The following ERCC2 variants were observed in gnomAD, a reference collection of about 807,000 sequenced individuals.
The protein encoded by ERCC2 is general transcription and DNA repair factor IIH helicase subunit XPD.
Under a neutral mutation model 99.4 loss-of-function variants are expected in ERCC2, and 90 were observed. The ratio of observed to expected loss-of-function variants is 0.91; its 90% CI spans 0.76 to 1.08. The LOEUF is 1.08. Among genes scored for constraint, ERCC2 ranks in the 50% least tolerant of loss-of-function variants. The probability of loss-of-function intolerance (pLI) is 0.00; values close to 1 mark genes in which losing one functional copy is unlikely to be tolerated. For missense variants in ERCC2, 993 were observed against 1,038.1 expected, an observed-to-expected ratio of 0.96 and a Z score of 0.60; for synonymous variants, 497 against 432.4, an observed-to-expected ratio of 1.15 and a Z score of -1.85.
Position 45,370,124 on chromosome 19 carries a change from G to C in ERCC2, c.105+9C>G, listed in dbSNP as rs201280342. ...TCGAGTGGGCGGGTCGGGCCCACCG[G>C]CCACCCACCTTGGCGTCCAGCGTGC... On this transcript the variant is annotated intron_variant, in intron 2 of 22. Transcript: ENST00000391945. 1 of 1,612,418 alleles carries C rather than the reference G, an allele frequency of 6.2e-7. No individual in the cohort carries two copies. The highest frequency in any genetic ancestry group is 2.2e-5 in the East Asian group (1 of 44,820).
At chr19:45,361,299 C>T (rs1276803349) in intron 12 of ERCC2, among the ~76,000 whole-genome samples, 1 of 152,114 alleles carries the variant, frequency 6.6e-6, no homozygotes, top group East Asian at 1.9e-4. Context: ...CCCATGCCAT[C>T]CTTCTCCACT....
chr19:45,353,222 C>T lies in ERCC2; in HGVS notation c.1758+20G>A, dbSNP rs201969516. The T allele has an allele frequency of 2.2e-5, 35 of 1,612,862 alleles. No individual in the cohort carries two copies. The highest frequency in any genetic ancestry group is 6.7e-5 in the African/African-American group (5 of 74,968). On this transcript the variant is annotated intron_variant, in intron 18 of 22. Transcript: ENST00000391945. ...GAGCCACCTCCCCGACCCCTCTCCA[C>T]GCTGGCCTCGCACACCCACCTCCTG...
At chr19:45,370,000 A>G in intron 2 of ERCC2, 133 bp downstream of exon 2, 2 of 775,610 alleles carry the variant, frequency 2.6e-6, no homozygotes, top group Non-Finnish European at 4.2e-6. Flanking sequence ...GTTTTAGATA[A>G]CGGAAGATTA....
At position 45,364,960 on chromosome 19, in the gene ERCC2, A is replaced by G; in HGVS notation, c.478-6T>C. 1 of 1,613,480 alleles carries G rather than the reference A, an allele frequency of 6.2e-7. No individual in the cohort carries two copies. ...CGCCCATGGGCATCAAATTCCTGGG[A>G]CAAGAGTGCCAGGGGTCAGGGAGGC... On this transcript the variant is annotated splice_polypyrimidine_tract_variant and splice_region_variant and intron_variant, in intron 6 of 22. Transcript: ENST00000391945.
intron 8 of ERCC2, 45 bp from the exon 9 acceptor site, chr19:45,364,376 C>A: frequency 6.2e-7 from 1 of 1,613,866 alleles, no homozygotes; most frequent in South Asian, 1.1e-5. Context: ...CTGCAGGGGC[C>A]TCACTCAGAG....
rs374798062 is a variant in ERCC2, at chr19:45,370,146, G to C, written c.92C>G (p.Thr31Arg). 6.2e-7 allele frequency: 1 copy of C among 1,613,050 alleles called. No individual in the cohort carries two copies. The highest frequency in any genetic ancestry group is 2.2e-5 in the East Asian group (1 of 44,836). ...QFSYMRELKR[T>R]LDAKGHGVLE... ...CCGGCCACCCACCTTGGCGTCCAGC[G>C]TGCGTTTGAGCTCCCGCATGTAGGA... Residue 31 changes from threonine (T) to arginine (R), a missense_variant, in exon 2 of 23, where the codon ACG (threonine) becomes AGG (arginine). Around this residue, in one of 3 missense-constraint regions of ERCC2, gnomAD observed 55 missense variants for 45.1 expected, o/e 1.22. Coordinates refer to ENST00000391945, the MANE Select transcript of ERCC2 (RefSeq NM_000400.4).
At chr19:45,361,248 C>G (rs1168260920) in intron 12 of ERCC2, among the ~76,000 whole-genome samples, 1 of 152,150 alleles carries the variant, frequency 6.6e-6, no homozygotes, top group African/African-American at 2.4e-5. Flanking sequence ...CTAGTGTGAG[C>G]TGACCCCATA....
chr19:45,362,419 C>G (rs1972257030), intron 11 of ERCC2, among the ~76,000 whole-genome samples: 1 of 152,212 alleles, frequency 6.6e-6, no homozygotes, highest in African/African-American at 2.4e-5. Flanking sequence ...CACCCACATC[C>G]CACAGAGTCC....
intron 12 of ERCC2, chr19:45,358,609 A>C: frequency 1.9e-6 from 1 of 530,302 alleles, no homozygotes; most frequent in Admixed American, 3.1e-5. Flanking sequence ...CAGTCCCCCC[A>C]GGGCCTTTAT....
chr19:45,351,073 T>TGAGGCA lies in ERCC2; in HGVS notation c.*550_*555dup. ...GAGGCCATGTGGGTAGGTGCAGAGA[T>TGAGGCA]GAGGCAAAGGCAGGGCGGTCGGGCC... On this transcript the variant is annotated 3_prime_UTR_variant, in exon 23 of 23. Transcript: ENST00000391945. The TGAGGCA allele has an allele frequency of 4.3e-6, 7 of 1,613,502 alleles. No individual in the cohort carries two copies. Among genetic ancestry groups the TGAGGCA allele is most frequent in the Non-Finnish European group, 5.9e-6 (7 of 1,179,744 alleles).
At chr19:45,354,699 G>A (rs376819121) in intron 17 of ERCC2, 31 bp downstream of exon 17, 54 of 1,612,620 alleles carry the variant, frequency 3.3e-5, no homozygotes, top group Middle Eastern at 3.3e-4. Context: ...ACTGAGGAGA[G>A]CAGGTGCAGG....
chr19:45,364,553 G>A lies in ERCC2; in HGVS notation c.595-6C>T, dbSNP rs1198783615. 6.2e-7 allele frequency: 1 copy of A among 1,612,414 alleles called. No homozygotes were observed. The highest frequency in any genetic ancestry group is 2.2e-5 in the East Asian group (1 of 44,862). ...ACCACATTGGCATGCAGGATCTGGG[G>A]GGCCGGGGAGCAGGGTTACCAGGGC... On this transcript the variant is annotated splice_polypyrimidine_tract_variant and splice_region_variant and intron_variant, in intron 7 of 22. Transcript: ENST00000391945.
chr19:45,354,782 A>G lies in ERCC2; in HGVS notation c.1613T>C (p.Phe538Ser), dbSNP rs760461567. 2 of 1,614,124 alleles carry G rather than the reference A, an allele frequency of 1.2e-6. No individual in the cohort carries two copies. Among genetic ancestry groups the G allele is most frequent in the East Asian group, 2.2e-5 (1 of 44,884 alleles). ...SAVVPDGIVA[F>S]FTSYQYMEST... ...CTCCATGTACTGGTAGCTGGTGAAG[A>G]AGGCCACGATGCCATCAGGGACCAC... The change falls in exon 17 of 23, where the codon TTC becomes TCC. Residue 538 changes from phenylalanine to serine, a missense_variant. Phe to Ser is a radical substitution (Grantham distance 155). Coordinates refer to ENST00000391945, the MANE Select transcript of ERCC2 (RefSeq NM_000400.4).
At position 45,354,732 on chromosome 19, in the gene ERCC2, G is replaced by T. The variant is rs753505084; in HGVS notation, c.1663C>A (p.Gln555Lys). ...MESTVASWYEQGILENIQRNK... is the reference protein window; with the variant it reads ...MESTVASWYEKGILENIQRNK... ...AGGGAGGGGGTGGCCAGGCGTACCT[G>T]CTCATACCAGGAGGCCACGGTGCTC... Residue 555 changes from glutamine (Q) to lysine (K), a missense_variant and splice_region_variant, in exon 17 of 23, where the codon CAG becomes AAG. Physicochemically the swap from Gln to Lys is moderately conservative, Grantham distance 53. Transcript: ENST00000391945. 1 of 1,613,886 alleles carries T rather than the reference G, an allele frequency of 6.2e-7. No homozygotes were observed. Among genetic ancestry groups the T allele is most frequent in the South Asian group, 1.1e-5 (1 of 91,082 alleles).
At chr19:45,356,253 G>C (rs372406227) in intron 15 of ERCC2, among the ~76,000 whole-genome samples, 1 of 152,094 alleles carries the variant, frequency 6.6e-6, no homozygotes, top group Non-Finnish European at 1.5e-5. Context: ...GGTCATTACC[G>C]GTCCACAACC....
intron 12 of ERCC2, 158 bp from the exon 13 acceptor site, chr19:45,357,857 C>T (rs1216546008): frequency 1.4e-6 from 1 of 713,636 alleles, no homozygotes; most frequent in South Asian, 1.6e-5. Flanking sequence ...AGCCCCAAAC[C>T]AGGCATCTGA....
intron 15 of ERCC2, 101 bp downstream of exon 15, chr19:45,357,169 G>A: frequency 1.2e-6 from 1 of 831,364 alleles, no homozygotes. Context: ...CCTCTTCGCT[G>A]TAAAGCTCTC....
intron 16 of ERCC2, among the ~76,000 whole-genome samples, chr19:45,355,386 A>G (rs1470022485): frequency 6.6e-6 from 1 of 152,166 alleles, no homozygotes; most frequent in Non-Finnish European, 1.5e-5. Flanking sequence ...CTTCCAGGGG[A>G]GCACCCTTAG....
intron 5 of ERCC2, among the ~76,000 whole-genome samples, chr19:45,368,098 T>C (rs1001639820): frequency 1.3e-5 from 2 of 151,858 alleles, no homozygotes; most frequent in African/African-American, 2.4e-5. Flanking sequence ...GGTCTCGAAC[T>C]CCTGACCTCA....
Sources: gnomAD v4.1 joint callset for allele counts (sites outside exome capture counted in the v4.1 genomes callset) on GRCh38, gnomAD v4.1.1 for gene constraint, gnomAD v4.1.1 regional missense constraint, MANE v1.5 for transcripts, NCBI Gene and HGNC (gene_info 2026-07-23, HGNC 2026-07-21) for gene names.